PDE4D: variants seen among roughly 807,000 people sequenced by gnomAD.
PDE4D encodes phosphodiesterase 4D, also known as 3',5'-cyclic-AMP phosphodiesterase 4D.
PDE4D carries 24 observed loss-of-function variants against 87.4 expected under a neutral mutation model. The ratio of observed to expected loss-of-function variants is 0.27; its 90% CI spans 0.20 to 0.39. The LOEUF is 0.39. Among genes scored for constraint, PDE4D ranks in the 10% least tolerant of loss-of-function variants. The pLI, the probability that PDE4D is intolerant of heterozygous loss-of-function variation, is 1.00. For synonymous variants in PDE4D, 384 were observed against 383.2 expected (o/e 1.00, Z -0.02); for missense variants, 714 against 1,041.0 (o/e 0.69, Z 4.32).
intron 1 of PDE4D, among the ~76,000 whole-genome samples, chr5:59,762,919 T>C (rs1762348932): frequency 7.3e-6 from 1 of 137,748 alleles, no homozygotes; most frequent in Non-Finnish European, 1.6e-5. Flanking sequence ...TTTTATAGTA[T>C]GGCATATTAT....
chr5:59,959,072 G>T (rs1046470371), intron 3 of PDE4D, among the ~76,000 whole-genome samples: 2 of 149,676 alleles, frequency 1.3e-5, no homozygotes, highest in Non-Finnish European at 3.0e-5. Context: ...CCTACATCAA[G>T]AACACAATCT....
intron 1 of PDE4D, among the ~76,000 whole-genome samples, chr5:60,337,592 T>C (rs900466652): frequency 6.6e-6 from 1 of 151,760 alleles, no homozygotes; most frequent in Non-Finnish European, 1.5e-5. Context: ...GGGATGGATT[T>C]TACTGTAAAT....
intron 5 of PDE4D, among the ~76,000 whole-genome samples, chr5:59,087,042 T>G (rs566406228): frequency 6.6e-6 from 1 of 152,276 alleles, no homozygotes; most frequent in South Asian, 2.1e-4. Flanking sequence ...ACAGTTTCCA[T>G]ATGAGAAATC....
chr5:59,132,474 T>C (rs1036789799), intron 5 of PDE4D, among the ~76,000 whole-genome samples: 3 of 152,226 alleles, frequency 2.0e-5, no homozygotes, highest in African/African-American at 7.2e-5. Flanking sequence ...TACATGTAAA[T>C]TGAAATAAAG....
chr5:59,815,753 A>C (rs1367580579), intron 1 of PDE4D, among the ~76,000 whole-genome samples: 1 of 152,210 alleles, frequency 6.6e-6, no homozygotes, highest in Non-Finnish European at 1.5e-5. Flanking sequence ...GACCTGCTGG[A>C]AAAGTGGTCT....
intron 2 of PDE4D, among the ~76,000 whole-genome samples, chr5:60,062,025 A>T (rs529699723): frequency 1.3e-5 from 2 of 152,304 alleles, no homozygotes; most frequent in South Asian, 4.1e-4. Context: ...TTATGATGGA[A>T]TCACCAAAAG....
At chr5:60,048,227 C>T (rs36170704) in intron 2 of PDE4D, among the ~76,000 whole-genome samples, 47,519 of 151,670 alleles carry the variant, frequency 0.31, 8,018 homozygotes, top group East Asian at 0.74. Flanking sequence ...GGTAGATCTT[C>T]CTCCATCCTT....
intron 5 of PDE4D, among the ~76,000 whole-genome samples, chr5:59,176,743 G>A (rs533808249): frequency 2.2e-4 from 34 of 152,264 alleles, no homozygotes; most frequent in Non-Finnish European, 2.4e-4. Context: ...ACAGAAAAGT[G>A]ATAGAGAATT....
At chr5:60,488,959 A>G (rs559788610), upstream of PDE4D, among the ~76,000 whole-genome samples, 23 of 152,326 alleles carry the variant, frequency 1.5e-4, no homozygotes, top group African/African-American at 5.1e-4. Flanking sequence ...TGTTTTCTTT[A>G]CAATAGTATC....
chr5:59,243,032 G>C (rs765182), intron 1 of PDE4D, among the ~76,000 whole-genome samples: 14 of 152,050 alleles, frequency 9.2e-5, no homozygotes, highest in Admixed American at 8.5e-4. Flanking sequence ...TATTTCTTAC[G>C]TACATCACAG....
intron 5 of PDE4D, among the ~76,000 whole-genome samples, chr5:59,150,307 T>C (rs928584408): frequency 1.3e-5 from 2 of 152,198 alleles, no homozygotes; most frequent in African/African-American, 2.4e-5. Flanking sequence ...TTTTCTCTTA[T>C]TGGCCAACAT....
In PDE4D at chr5:59,423,279, A is replaced by G. The variant is rs560810332; in HGVS notation, c.456-207311T>C. Among the ~76,000 whole-genome samples, 5 of 152,284 alleles carry G rather than the reference A, an allele frequency of 3.3e-5. No homozygotes were observed. In the South Asian group the frequency reaches 8.3e-4, roughly 25 times the overall value. Reference sequence around the variant, plus strand: ...AACACTCAGACTATGTTAGGTACTTATTTTTATACTCTCACTGGGTCCTTG... The same window carrying G: ...AACACTCAGACTATGTTAGGTACTTGTTTTTATACTCTCACTGGGTCCTTG... On this transcript the variant is annotated intron_variant, in intron 1 of 14. Coordinates refer to ENST00000340635, the MANE Select transcript of PDE4D (RefSeq NM_001104631.2).
At chr5:59,534,188 T>C (rs1160455777) in intron 1 of PDE4D, among the ~76,000 whole-genome samples, 1 of 152,216 alleles carries the variant, frequency 6.6e-6, no homozygotes, top group African/African-American at 2.4e-5. Flanking sequence ...TTTCCAGAGA[T>C]TGATTTTCTT....
At chr5:60,131,353 T>C (rs2149398486) in intron 2 of PDE4D, among the ~76,000 whole-genome samples, 1 of 152,266 alleles carries the variant, frequency 6.6e-6, no homozygotes, top group East Asian at 1.9e-4. Context: ...ATTTATACCT[T>C]CCCTGTATCC....
chr5:60,089,142 A>C (rs1774838660), intron 2 of PDE4D, among the ~76,000 whole-genome samples: 1 of 152,054 alleles, frequency 6.6e-6, no homozygotes, highest in Non-Finnish European at 1.5e-5. Context: ...TCTAGACAAG[A>C]AAATCAACAA....
chr5:60,178,975 T>C (rs528422904), intron 2 of PDE4D, among the ~76,000 whole-genome samples: 1 of 152,226 alleles, frequency 6.6e-6, no homozygotes, highest in African/African-American at 2.4e-5. Context: ...TCGTAGATTG[T>C]ATTAAATTCA....
intron 1 of PDE4D, among the ~76,000 whole-genome samples, chr5:60,364,543 G>A (rs1359426197): frequency 6.6e-6 from 1 of 152,038 alleles, no homozygotes; most frequent in African/African-American, 2.4e-5. Context: ...ATTGAATTCT[G>A]ATCTTAATAG....
intron 5 of PDE4D, among the ~76,000 whole-genome samples, chr5:59,073,507 C>CGGGGGG (rs56301552): frequency 1.0e-3 from 38 of 38,184 alleles, no homozygotes; most frequent in Non-Finnish European, 1.9e-3. Flanking sequence ...AAGTGGGGGG[C>CGGGGGG]GGGGGGGGCG....
chr5:59,050,125 C>T (rs566253670), intron 5 of PDE4D, among the ~76,000 whole-genome samples: 33 of 152,120 alleles, frequency 2.2e-4, no homozygotes, highest in Admixed American at 1.3e-3. Context: ...ACATTAGCCA[C>T]GCATGGTGGC....
Sources: allele counts gnomAD v4.1 joint callset (sites outside exome capture counted in the v4.1 genomes callset), GRCh38; gene constraint gnomAD v4.1.1; transcripts MANE v1.5; gene names NCBI Gene and HGNC (gene_info 2026-07-23, HGNC 2026-07-21).